Variants in PLEKHG1 observed in about 807,000 individuals in gnomAD.
PLEKHG1 encodes pleckstrin homology and RhoGEF domain containing G1, also known as pleckstrin homology domain-containing family G member 1.
A neutral mutation model predicts 100.8 loss-of-function variants in PLEKHG1; 44 were observed. That is an observed-to-expected ratio of 0.44 (90% CI 0.34 to 0.56). The LOEUF (loss-of-function observed/expected upper bound fraction) is 0.56, where lower values mean the gene tolerates loss of function less well. Ranked by LOEUF, PLEKHG1 falls within the 20% of genes least tolerant of loss-of-function variation. PLEKHG1 has a pLI of 0.01. For synonymous variants in PLEKHG1, 640 were observed against 662.5 expected, an observed-to-expected ratio of 0.97 and a Z score of 0.52; for missense variants, 1,545 against 1,720.9, an observed-to-expected ratio of 0.90 and a Z score of 1.81.
At chr6:150,635,492 A>G (rs1777957306) in intron 1 of PLEKHG1, among the ~76,000 whole-genome samples, 2 of 152,142 alleles carry the variant, frequency 1.3e-5, no homozygotes, top group African/African-American at 4.8e-5. Flanking sequence ...ACTTTGAGCT[A>G]ATTTTGTTCT....
At chr6:150,820,181 C>A (rs1406780887) in intron 12 of PLEKHG1, among the ~76,000 whole-genome samples, 1 of 151,692 alleles carries the variant, frequency 6.6e-6, no homozygotes, top group Non-Finnish European at 1.5e-5. Context: ...TGCACTCCAG[C>A]ATGGGCGACA....
intron 4 of PLEKHG1, among the ~76,000 whole-genome samples, chr6:150,791,358 A>AT (rs1336166207): frequency 6.6e-6 from 1 of 152,120 alleles, no homozygotes; most frequent in African/African-American, 2.4e-5. Context: ...AGGGAAAAGA[A>AT]TAGAGGTTCG....
intron 3 of PLEKHG1, among the ~76,000 whole-genome samples, chr6:150,780,056 A>G (rs1785222138): frequency 6.6e-6 from 1 of 151,902 alleles, no homozygotes; most frequent in Admixed American, 6.6e-5. Context: ...GACACAATAC[A>G]TCCAGAGCAC....
intron 1 of PLEKHG1, among the ~76,000 whole-genome samples, chr6:150,633,464 G>A (rs2128562875): frequency 6.6e-6 from 1 of 152,304 alleles, no homozygotes. Flanking sequence ...GAAGCTGGTG[G>A]GAATCAGGCA....
intron 3 of PLEKHG1, among the ~76,000 whole-genome samples, chr6:150,692,899 G>A (rs964796172): frequency 2.0e-5 from 3 of 152,200 alleles, no homozygotes; most frequent in South Asian, 2.1e-4. Flanking sequence ...AAGGGCAGGC[G>A]TTAGCATAAG....
At chr6:150,764,517 C>T (rs1242589035) in intron 2 of PLEKHG1, among the ~76,000 whole-genome samples, 1 of 152,194 alleles carries the variant, frequency 6.6e-6, no homozygotes, top group Non-Finnish European at 1.5e-5. Flanking sequence ...ATGACCTGTC[C>T]CGGCCCCCAT....
intron 3 of PLEKHG1, among the ~76,000 whole-genome samples, chr6:150,701,188 T>C (rs113210960): frequency 0.043 from 6,508 of 150,388 alleles, 449 homozygotes; most frequent in African/African-American, 0.15. Flanking sequence ...GGTGTGGTGG[T>C]GGGCGCCAAT....
chr6:150,804,155 T>TC (rs1554276213), intron 6 of PLEKHG1, among the ~76,000 whole-genome samples: 843 of 30,054 alleles, frequency 0.028, 76 homozygotes, highest in East Asian at 0.11. Context: ...TGTAAATATT[T>TC]TATATATATA....
At chr6:150,755,124 T>C (rs1486771369) in intron 2 of PLEKHG1, among the ~76,000 whole-genome samples, 1 of 152,144 alleles carries the variant, frequency 6.6e-6, no homozygotes, top group Non-Finnish European at 1.5e-5. Context: ...TACAGATACA[T>C]GGCACCACGC....
intron 3 of PLEKHG1, among the ~76,000 whole-genome samples, chr6:150,675,683 C>T (rs530102351): frequency 4.7e-4 from 72 of 152,318 alleles, no homozygotes; most frequent in African/African-American, 1.5e-3. Flanking sequence ...GATGGGGTTT[C>T]GCCATGTTGG....
At chr6:150,619,379 TAG>T (rs1248773518) in intron 1 of PLEKHG1, among the ~76,000 whole-genome samples, 2 of 152,200 alleles carry the variant, frequency 1.3e-5, no homozygotes, top group African/African-American at 2.4e-5. Context: ...TTCTGCCTTG[TAG>T]AGTCTTTTTA....
chr6:150,819,216 C>T (rs1302544469), intron 11 of PLEKHG1, among the ~76,000 whole-genome samples: 1 of 149,940 alleles, frequency 6.7e-6, no homozygotes, highest in Non-Finnish European at 1.5e-5. Context: ...CCCTGAGATA[C>T]ATATACAGCA....
At chr6:150,723,449 C>A (rs1781802914) in intron 1 of PLEKHG1, among the ~76,000 whole-genome samples, 1 of 152,156 alleles carries the variant, frequency 6.6e-6, no homozygotes, top group African/African-American at 2.4e-5. Context: ...ATGTTGAGTC[C>A]TTCATTTCCT....
chr6:150,700,691 G>A (rs573673180), intron 3 of PLEKHG1, among the ~76,000 whole-genome samples: 5 of 152,214 alleles, frequency 3.3e-5, no homozygotes, highest in South Asian at 2.1e-4. Flanking sequence ...GTTCAAATTC[G>A]GGGGCCTCTA....
chr6:150,726,484 AT>A (rs1246197616), intron 1 of PLEKHG1, among the ~76,000 whole-genome samples: 2 of 152,150 alleles, frequency 1.3e-5, no homozygotes, highest in African/African-American at 2.4e-5. Flanking sequence ...TATTTTGAAA[AT>A]TTTTTAAATG....
chr6:150,720,884 T>C (rs1001277235), upstream of PLEKHG1, among the ~76,000 whole-genome samples: 27 of 152,220 alleles, frequency 1.8e-4, no homozygotes, highest in Admixed American at 1.8e-3. Flanking sequence ...TGTTGCTCAG[T>C]GAAGTGTGCA....
At chr6:150,768,775 G>C in intron 3 of PLEKHG1, 37 bp downstream of exon 4, 1 of 1,196,922 alleles carries the variant, frequency 8.4e-7, no homozygotes, top group Non-Finnish European at 1.2e-6. Flanking sequence ...TCACATACGA[G>C]CATTATGAAA....
chr6:150,804,155 T>TTATACATATATATATATA (rs1786879555), intron 6 of PLEKHG1, among the ~76,000 whole-genome samples: 1 of 30,264 alleles, frequency 3.3e-5, no homozygotes, highest in Non-Finnish European at 5.7e-5. Context: ...TGTAAATATT[T>TTATACATATATATATATA]TATATATATA....
chr6:150,652,187 G>T (rs1778773913), intron 3 of PLEKHG1, among the ~76,000 whole-genome samples: 1 of 152,136 alleles, frequency 6.6e-6, no homozygotes. Context: ...GACACTAAAA[G>T]GGAAAGAAGG....
Sources: gnomAD v4.1 joint callset for allele counts (sites outside exome capture counted in the v4.1 genomes callset) on GRCh38, gnomAD v4.1.1 for gene constraint, MANE v1.5 for transcripts, NCBI Gene and HGNC (gene_info 2026-07-23, HGNC 2026-07-21) for gene names.